ADAMTS2: variants seen among roughly 807,000 people sequenced by gnomAD.
ADAMTS2 encodes the protein A disintegrin and metalloproteinase with thrombospondin motifs 2.
Under a neutral mutation model 123.0 loss-of-function variants are expected in ADAMTS2, and 50 were observed. The observed-to-expected ratio is 0.41, with a 90% CI of 0.32 to 0.51. ADAMTS2 has a LOEUF of 0.51. Ranked by LOEUF, ADAMTS2 falls within the 20% of genes least tolerant of loss-of-function variation. The pLI is 0.35. For synonymous variants in ADAMTS2, 678 were observed against 695.4 expected (o/e 0.98, Z 0.39); for missense variants, 1,494 against 1,705.2 (o/e 0.88, Z 2.18).
chr5:179,149,864 C>T (rs1237392726), intron 10 of ADAMTS2, among the ~76,000 whole-genome samples: 1 of 152,134 alleles, frequency 6.6e-6, no homozygotes, highest in Non-Finnish European at 1.5e-5. Flanking sequence ...CCCAGCTCTG[C>T]CCCTCAGTCA....
chr5:179,174,519 T>C (rs1490883234), intron 5 of ADAMTS2, among the ~76,000 whole-genome samples: 1 of 152,220 alleles, frequency 6.6e-6, no homozygotes, highest in Admixed American at 6.5e-5. Context: ...AATGTTGTAT[T>C]GGCTTATATT....
chr5:179,129,458 G>C lies in ADAMTS2; in HGVS notation c.2457+474C>G, dbSNP rs1345970457. 6.6e-6 allele frequency among the ~76,000 whole-genome samples: 1 copy of C among 152,122 alleles called. No individual in the cohort carries two copies. The highest frequency in any genetic ancestry group is 1.5e-5 in the Non-Finnish European group (1 of 68,024). ...AGTGATCTGACCTCCTCAAAACCAG[G>C]TAAAAAGAAAGTGATTTGAAAATCC... On this transcript the variant is annotated intron_variant, in intron 16 of 21. Transcript: ENST00000251582. This position sits in a 1 kb window ranked among gnomAD's most constrained non-coding sequence, Gnocchi z 4.1.
In ADAMTS2 at chr5:179,175,183, T is replaced by C. The variant is rs1178236162; in HGVS notation, c.975+5889A>G. ...GTTCCGCAGCTGTCTCAGCCATTCT[T>C]GACCGTCCATGTTGCTTTGGAGGAA... On this transcript the variant is annotated intron_variant, in intron 5 of 21. Transcript: ENST00000251582. The surrounding 1 kb of genome is among the most constrained non-coding windows in gnomAD (Gnocchi z 4.1). Among the ~76,000 whole-genome samples the C allele has an allele frequency of 2.0e-5, 3 of 151,682 alleles. No individual in the cohort carries two copies. The highest frequency in any genetic ancestry group is 4.4e-5 in the Non-Finnish European group (3 of 67,924).
At chr5:179,221,520 C>T (rs759261314) in intron 3 of ADAMTS2, among the ~76,000 whole-genome samples, 146 of 152,250 alleles carry the variant, frequency 9.6e-4, no homozygotes, top group Non-Finnish European at 1.6e-3. Flanking sequence ...CAGGAGTGAC[C>T]GAGGACAACC....
chr5:179,116,260 A>ACCCCCCCCCC (rs146306326), intron 21 of ADAMTS2, among the ~76,000 whole-genome samples: 84 of 93,854 alleles, frequency 9.0e-4, no homozygotes, highest in Non-Finnish European at 1.1e-3. Context: ...TGACCACGGC[A>ACCCCCCCCCC]CCCCCCCCCC....
At chr5:179,274,068 A>C (rs6865138) in intron 2 of ADAMTS2, among the ~76,000 whole-genome samples, 67,550 of 142,360 alleles carry the variant, frequency 0.47, 16,059 homozygotes, top group Middle Eastern at 0.55. Context: ...CCTGATTCAG[A>C]CCCCCTCACC....
At chr5:179,208,141 C>CCCCCCTTGCCCG (rs1764757652) in intron 3 of ADAMTS2, among the ~76,000 whole-genome samples, 3 of 101,584 alleles carry the variant, frequency 3.0e-5, no homozygotes, top group African/African-American at 2.7e-5. Context: ...GTGGGCAGAG[C>CCCCCCTTGCCCG]CACCCCTTGC....
At position 179,334,826 on chromosome 5, in the gene ADAMTS2, A is replaced by ATT. The variant is rs1561763101; in HGVS notation, c.534+8940_534+8941insAA. On this transcript the variant is annotated intron_variant, in intron 2 of 21. Transcript: ENST00000251582. ...TGGAAAGTATTCAATGAGCAATGGC[A>ATT]AAAAGAAAAAAAATCCTTGAAATAA... Among the ~76,000 whole-genome samples, 6 of 152,274 alleles carry ATT rather than the reference A, an allele frequency of 3.9e-5. 1 individual carries two copies. Among genetic ancestry groups the ATT allele is most frequent in the Admixed American group, 2.6e-4 (4 of 15,290 alleles).
Position 179,343,952 on chromosome 5 carries a change from C to T in ADAMTS2, c.349G>A (p.Gly117Ser). 6.2e-7 allele frequency: 1 copy of T among 1,611,838 alleles called. No individual in the cohort carries two copies. The highest frequency in any genetic ancestry group is 8.5e-7 in the Non-Finnish European group (1 of 1,179,634). ...SHLFYNVTVF[G>S]RDLHLRLRPN... ...CGCAGCCGCAGGTGCAGGTCTCGGC[C>T]AAAGACCGTGACATTGTAGAAGAGG... The change falls in exon 2 of 22, where the codon GGC becomes AGC. Residue 117 changes from glycine (G) to serine (S), a missense_variant. By Grantham distance (56) the Gly-to-Ser change is moderately conservative. This residue lies in a region of ADAMTS2 where 237 missense variants were observed against 233.7 expected (regional missense o/e 1.01). Coordinates refer to ENST00000251582, the MANE Select transcript of ADAMTS2 (RefSeq NM_014244.5).
Position 179,293,966 on chromosome 5 carries a change from C to T in ADAMTS2, c.535-20902G>A, listed in dbSNP as rs147641107. Among the ~76,000 whole-genome samples, 244 of 152,098 alleles carry T rather than the reference C, an allele frequency of 1.6e-3. 1 individual carries two copies. The highest frequency in any genetic ancestry group is 5.5e-3 in the African/African-American group (229 of 41,498). ...GTTTTTTTGTTTTAAGGTATTTGTG[C>T]ATCTCAAACATTCCACTTAATGACT... is the stretch of plus-strand genomic sequence containing the variant. On this transcript the variant is annotated intron_variant, in intron 2 of 21. Transcript: ENST00000251582.
Position 179,155,203 on chromosome 5 carries a change from A to C in ADAMTS2, c.1133-284T>G, listed in dbSNP as rs1213032930. On this transcript the variant is annotated intron_variant, in intron 6 of 21. Transcript: ENST00000251582. The surrounding 1 kb of genome is among the most constrained non-coding windows in gnomAD (Gnocchi z 5.1). Reference sequence around the variant, plus strand: ...GGGGCCCTCTGCTTAGTCAGATGTCACCTGCTATGGCTTGTCTGACACCTG... The same window carrying C: ...GGGGCCCTCTGCTTAGTCAGATGTCCCCTGCTATGGCTTGTCTGACACCTG... 6.6e-6 allele frequency among the ~76,000 whole-genome samples: 1 copy of C among 152,192 alleles called. No homozygotes were observed. Among genetic ancestry groups the C allele is most frequent in the African/African-American group, 2.4e-5 (1 of 41,448 alleles).
chr5:179,199,320 T>G (rs1581184042), intron 4 of ADAMTS2, among the ~76,000 whole-genome samples: 2 of 152,230 alleles, frequency 1.3e-5, no homozygotes, highest in African/African-American at 2.4e-5. Context: ...GGATCAGGCA[T>G]GTATTCCCCA....
intron 3 of ADAMTS2, among the ~76,000 whole-genome samples, chr5:179,265,865 C>G (rs1766355336): frequency 6.6e-6 from 1 of 152,246 alleles, no homozygotes; most frequent in African/African-American, 2.4e-5. Context: ...GTGCTTCTCC[C>G]TGGGTTTCCC....
chr5:179,203,841 C>T (rs950817121), intron 4 of ADAMTS2, among the ~76,000 whole-genome samples: 5 of 152,100 alleles, frequency 3.3e-5, no homozygotes, highest in African/African-American at 9.7e-5. Context: ...CCCTGTGTCC[C>T]GCAATTCTAC....
At position 179,158,983 on chromosome 5, in the gene ADAMTS2, T is replaced by C. The variant is rs1763542686; in HGVS notation, c.976-104A>G. 3 of 1,439,160 alleles carry C rather than the reference T, an allele frequency of 2.1e-6. No individual in the cohort carries two copies. Among genetic ancestry groups the C allele is most frequent in the Non-Finnish European group, 1.9e-6 (2 of 1,059,012 alleles). 89.1% of individuals were successfully genotyped at this position (1,439,160 alleles called of 1,614,324 possible). On this transcript the variant is annotated intron_variant, in intron 5 of 21. Coordinates refer to ENST00000251582, the MANE Select transcript of ADAMTS2 (RefSeq NM_014244.5). This position sits in a 1 kb window ranked among gnomAD's most constrained non-coding sequence, Gnocchi z 5.0. Reference sequence around the variant, plus strand: ...TGACAGACCCCATCCACTGGGAATCTGTTCCAGGTGGTACAAAGGCCCTGC... The same window carrying C: ...TGACAGACCCCATCCACTGGGAATCCGTTCCAGGTGGTACAAAGGCCCTGC...
chr5:179,329,095 A>G (rs749284178), intron 2 of ADAMTS2, among the ~76,000 whole-genome samples: 2 of 152,322 alleles, frequency 1.3e-5, no homozygotes, highest in South Asian at 2.1e-4. Context: ...TGGGAGGCCA[A>G]GGAGGGCGGA....
intron 3 of ADAMTS2, among the ~76,000 whole-genome samples, chr5:179,218,933 G>C (rs182379614): frequency 1.3e-5 from 2 of 152,186 alleles, no homozygotes; most frequent in African/African-American, 2.4e-5. Context: ...GGCCTGCCCA[G>C]CACCTGCACA....
At position 179,228,524 on chromosome 5, in the gene ADAMTS2, C is replaced by T. The variant is rs1399763957; in HGVS notation, c.689-20809G>A. 6.6e-6 allele frequency among the ~76,000 whole-genome samples: 1 copy of T among 152,204 alleles called. No homozygotes were observed. The highest frequency in any genetic ancestry group is 1.5e-5 in the Non-Finnish European group (1 of 68,028). ...GCCCAAAACCAGTGTGGGTGTGAAG[C>T]GGAAGGAGACTCTGCAGCAAGGCCC... On this transcript the variant is annotated intron_variant, in intron 3 of 21. Coordinates refer to ENST00000251582, the MANE Select transcript of ADAMTS2 (RefSeq NM_014244.5). The surrounding 1 kb of genome is among the most constrained non-coding windows in gnomAD (Gnocchi z 5.2).
intron 11 of ADAMTS2, 47 bp downstream of exon 11, chr5:179,139,840 GACC>G: frequency 6.2e-7 from 1 of 1,608,550 alleles, no homozygotes; most frequent in Non-Finnish European, 8.5e-7. Flanking sequence ...GGGTCTCCTG[GACC>G]CTCAGCTGCC....
Sources: gnomAD v4.1 joint callset for allele counts (sites outside exome capture counted in the v4.1 genomes callset) on GRCh38, gnomAD v4.1.1 for gene constraint, gnomAD v4.1.1 regional missense constraint, Gnocchi (gnomAD v3.1) non-coding constraint, MANE v1.5 for transcripts, NCBI Gene and HGNC (gene_info 2026-07-23, HGNC 2026-07-21) for gene names.